The following CIP2A variants were observed in gnomAD, a reference collection of about 807,000 sequenced individuals.
CIP2A encodes the protein protein CIP2A.
Under a neutral mutation model 110.9 loss-of-function variants are expected in CIP2A, and 103 were observed. That is an observed-to-expected ratio of 0.93 (90% confidence interval 0.79 to 1.09). The LOEUF (loss-of-function observed/expected upper bound fraction) is 1.09. Ranked by LOEUF, CIP2A falls within the 50% of genes least tolerant of loss-of-function variation. CIP2A has a pLI of 0.00. For synonymous variants in CIP2A, 381 were observed against 361.6 expected (o/e 1.05, Z -0.61); for missense variants, 1,088 against 1,038.4 (o/e 1.05, Z -0.66).
intron 5 of CIP2A, among the ~76,000 whole-genome samples, chr3:108,580,864 G>A (rs981895348): frequency 6.6e-6 from 1 of 152,140 alleles, no homozygotes; most frequent in Admixed American, 6.5e-5. Flanking sequence ...CTGACCTTGT[G>A]ATCTGCCTGC....
chr3:108,583,137 G>A, intron 2 of CIP2A, 54 bp from the exon 3 acceptor site: 1 of 939,900 alleles, frequency 1.1e-6, no homozygotes, highest in South Asian at 2.1e-5. Context: ...AGGTTTTGCA[G>A]ATAATTCATA....
chr3:108,565,544 C>T (rs1296418373), intron 11 of CIP2A, 90 bp from the exon 12 acceptor site: 2 of 652,600 alleles, frequency 3.1e-6, no homozygotes, highest in Non-Finnish European at 5.3e-6. Context: ...TGAAAAAAAC[C>T]AACACTTGTG....
chr3:108,551,373 A>T, intron 20 of CIP2A, 54 bp from the exon 21 acceptor site: 1 of 1,338,618 alleles, frequency 7.5e-7, no homozygotes, highest in South Asian at 1.5e-5. Context: ...AATAACTTTA[A>T]TGTTTTCTCT....
rs1559690925 is a variant in CIP2A at position 108,560,073 on chromosome 3, T to C, written c.1828-45A>G. On this transcript the variant is annotated intron_variant, in intron 14 of 20. Coordinates refer to ENST00000295746, the MANE Select transcript of CIP2A (RefSeq NM_020890.3). ...AAACTTAAAATTTTAATAAAATATT[T>C]TGACACAATGACAAAATAAATGCCT... 6 of 1,131,580 alleles carry C rather than the reference T, an allele frequency of 5.3e-6. No homozygotes were observed. In the African/African-American group the frequency reaches 7.9e-5, roughly 15 times the overall value. The allele number at this position is 1,131,580 out of a possible 1,614,324, so 70.1% of individuals were successfully genotyped here. A position where few individuals can be genotyped will look rare whatever the true frequency, so the allele number is the denominator to read the frequency against.
chr3:108,578,038 T>C (rs1174685898), intron 7 of CIP2A, among the ~76,000 whole-genome samples: 1 of 152,172 alleles, frequency 6.6e-6, no homozygotes, highest in Non-Finnish European at 1.5e-5. Context: ...AAGTTAGACT[T>C]TGGAAGAGAT....
rs573465556 is a variant in CIP2A, at chr3:108,562,447, T to C, written c.1634+679A>G. ...CGGTATACAGGGAATATCTTACCTG[T>C]TTATCAACTACTTCAAATTATTCAA... On this transcript the variant is annotated intron_variant, in intron 13 of 20. Transcript: ENST00000295746. 3.3e-5 allele frequency among the ~76,000 whole-genome samples: 5 copies of C among 152,250 alleles called. No homozygotes were observed. In the South Asian group the frequency reaches 1.0e-3, roughly 32 times the overall value.
At chr3:108,565,541 A>C in intron 11 of CIP2A, 87 bp from the exon 12 acceptor site, 1 of 666,868 alleles carries the variant, frequency 1.5e-6, no homozygotes, top group Non-Finnish European at 2.6e-6. Flanking sequence ...AAATGAAAAA[A>C]ACCAACACTT....
At chr3:108,565,499 T>C in intron 11 of CIP2A, 45 bp from the exon 12 acceptor site, 5 of 1,047,598 alleles carry the variant, frequency 4.8e-6, no homozygotes, top group Non-Finnish European at 7.1e-6. Flanking sequence ...GAAAAATTTC[T>C]TAGAGCTTGT....
At chr3:108,588,886 C>A (rs1238151643) in intron 1 of CIP2A, among the ~76,000 whole-genome samples, 1 of 152,180 alleles carries the variant, frequency 6.6e-6, no homozygotes, top group South Asian at 2.1e-4. Flanking sequence ...TTATAGATTA[C>A]CGAAGGGCAA....
chr3:108,576,147 G>A, intron 8 of CIP2A, 124 bp downstream of exon 8: 3 of 567,386 alleles, frequency 5.3e-6, no homozygotes, highest in Non-Finnish European at 9.4e-6. Flanking sequence ...CTACATAATT[G>A]TGTCCCTATT....
intron 7 of CIP2A, among the ~76,000 whole-genome samples, chr3:108,577,411 T>TA (rs1559700654): frequency 6.6e-6 from 1 of 152,068 alleles, no homozygotes; most frequent in East Asian, 1.9e-4. Context: ...AGGCAATACA[T>TA]AGAGTAATGG....
chr3:108,565,417 A>T lies in CIP2A; in HGVS notation c.1453T>A (p.Leu485Met). ...AADVILKTLD[L>M]INKLKPLVPG... ...ACCAATGGTTTAAGTTTGTTAATCAAATCAAGAGTTTTCAAAATTACATCA... is the reference window on the plus strand; with the variant it reads ...ACCAATGGTTTAAGTTTGTTAATCATATCAAGAGTTTTCAAAATTACATCA... The change falls in exon 12 of 21, where the codon TTG becomes ATG. Residue 485 changes from leucine (L) to methionine (M), a missense_variant. Coordinates refer to ENST00000295746, the MANE Select transcript of CIP2A (RefSeq NM_020890.3). The T allele has an allele frequency of 1.3e-6, 2 of 1,599,752 alleles. No individual in the cohort carries two copies. The highest frequency in any genetic ancestry group is 8.5e-7 in the Non-Finnish European group (1 of 1,172,822).
chr3:108,560,642 C>T lies in CIP2A; in HGVS notation c.1827+7G>A. On this transcript the variant is annotated splice_region_variant and intron_variant, in intron 14 of 20. Transcript: ENST00000295746. Reference sequence around the variant, plus strand: ...TACCAGGTTATAATTGCTATTTTTTCACTCACCACCATTCCAGACTGAAGT... The same window carrying T: ...TACCAGGTTATAATTGCTATTTTTTTACTCACCACCATTCCAGACTGAAGT... 6.4e-7 allele frequency: 1 copy of T among 1,570,980 alleles called. No homozygotes were observed. The highest frequency in any genetic ancestry group is 8.7e-7 in the Non-Finnish European group (1 of 1,154,426).
rs1938579404 is a variant in CIP2A, at chr3:108,575,608, T to A, written c.894+663A>T. Among the ~76,000 whole-genome samples the A allele has an allele frequency of 1.4e-5, 2 of 144,702 alleles. 1 individual carries two copies. Among genetic ancestry groups the A allele is most frequent in the Admixed American group, 1.3e-4 (2 of 14,832 alleles). 94.9% of individuals were successfully genotyped at this position (144,702 alleles called of 152,430 possible). On this transcript the variant is annotated intron_variant, in intron 8 of 20. Transcript: ENST00000295746. ...TGTGTATATATACGTGTATATATACTCATATACATGTGTATATATACGTGT... is the reference window on the plus strand; with the variant it reads ...TGTGTATATATACGTGTATATATACACATATACATGTGTATATATACGTGT...
chr3:108,587,399 G>A (rs1230250500), intron 1 of CIP2A, among the ~76,000 whole-genome samples: 1 of 152,158 alleles, frequency 6.6e-6, no homozygotes, highest in Non-Finnish European at 1.5e-5. Flanking sequence ...ATTTTATTGA[G>A]TGGAAAAGGC....
At chr3:108,565,121 G>C (rs1938138895) in intron 12 of CIP2A, among the ~76,000 whole-genome samples, 1 of 151,828 alleles carries the variant, frequency 6.6e-6, no homozygotes, top group Admixed American at 6.6e-5. Context: ...CAGCACTATT[G>C]TGAACATTCT....
intron 9 of CIP2A, among the ~76,000 whole-genome samples, chr3:108,568,822 G>A (rs1355232493): frequency 6.6e-6 from 1 of 151,892 alleles, no homozygotes; most frequent in East Asian, 1.9e-4. Context: ...ATTTGTTTGT[G>A]TGTAAGACCC....
In CIP2A at chr3:108,551,239, C is replaced by T; in HGVS notation, c.2628G>A (p.Glu876=). 2 of 1,612,464 alleles carry T rather than the reference C, an allele frequency of 1.2e-6. No homozygotes were observed. Among genetic ancestry groups the T allele is most frequent in the African/African-American group, 2.7e-5 (2 of 74,964 alleles). Residue 876 remains glutamate, a synonymous_variant, in exon 21 of 21, where the codon GAG becomes GAA. Transcript: ENST00000295746. ...EKESLVKLQQ[E]ELNKHSHMIA... is the part of the protein sequence containing the mutation. ...TCATGTGGGAGTGTTTGTTCAATTC[C>T]TCTTGCTGAAGTTTCACCAAGGACT...
chr3:108,575,574 TCA>T (rs1938575230), intron 8 of CIP2A, among the ~76,000 whole-genome samples: 2 of 149,432 alleles, frequency 1.3e-5, no homozygotes, highest in African/African-American at 2.5e-5. Context: ...GTATATATAC[TCA>T]TATACATGTG....
Sources: allele counts gnomAD v4.1 joint callset (sites outside exome capture counted in the v4.1 genomes callset), GRCh38; gene constraint gnomAD v4.1.1; transcripts MANE v1.5; gene names NCBI Gene and HGNC (gene_info 2026-07-23, HGNC 2026-07-21).